Variants in NCKAP5 observed in about 807,000 individuals in gnomAD.
NCKAP5 encodes the protein nck-associated protein 5.
In NCKAP5, 92 loss-of-function variants were observed where a neutral mutation model predicts 167.0. The observed-to-expected ratio is 0.55, with a 90% CI of 0.47 to 0.66. NCKAP5 has a LOEUF of 0.66. Among genes scored for constraint, NCKAP5 ranks in the 30% least tolerant of loss-of-function variants. NCKAP5 has a pLI of 0.00. For synonymous variants in NCKAP5, 891 were observed against 877.4 expected (o/e 1.02, Z -0.27); for missense variants, 2,378 against 2,315.0 (o/e 1.03, Z -0.56).
intron 5 of NCKAP5, among the ~76,000 whole-genome samples, chr2:133,188,330 G>T (rs1204761443): frequency 6.6e-6 from 1 of 151,922 alleles, no homozygotes; most frequent in African/African-American, 2.4e-5. Flanking sequence ...ACACAATAAT[G>T]ATGGGAGACT....
chr2:133,118,523 C>G (rs2082153637), intron 6 of NCKAP5: 1 of 152,134 alleles, frequency 6.6e-6, no homozygotes, highest in African/African-American at 2.4e-5. Flanking sequence ...ATTTACTTCA[C>G]CATTTATTGT....
In NCKAP5 at chr2:133,295,321, G is replaced by A. The variant is rs563623828; in HGVS notation, c.143+7716C>T. On this transcript the variant is annotated intron_variant, in intron 4 of 19. Transcript: ENST00000409261. ...AGAGTAGATGCTCTAAGACAGATAG[G>A]ATTTGGAGTTTTATTTTTAAAGTAA... 5.5e-4 allele frequency among the ~76,000 whole-genome samples: 83 copies of A among 152,166 alleles called. 1 individual carries two copies. The South Asian group carries it at 0.017, about 31-fold the overall frequency.
chr2:133,597,689 A>AG, the NCKAP5 span, among the ~76,000 whole-genome samples: 1 of 150,108 alleles, frequency 6.7e-6, no homozygotes, highest in African/African-American at 2.4e-5. Flanking sequence ...AAAAAAAAAA[A>AG]AAAAAAAAAG....
chr2:133,437,599 A>G (rs1690573606), intron 3 of NCKAP5, among the ~76,000 whole-genome samples: 1 of 152,172 alleles, frequency 6.6e-6, no homozygotes, highest in East Asian at 1.9e-4. Flanking sequence ...GAAGTTCCAC[A>G]TAGTCATCAG....
At chr2:133,086,099 T>C (rs1180211223) in intron 6 of NCKAP5, among the ~76,000 whole-genome samples, 1 of 152,118 alleles carries the variant, frequency 6.6e-6, no homozygotes, top group Non-Finnish European at 1.5e-5. Context: ...TAACTCATGG[T>C]TTTCATGAGC....
At position 132,889,978 on chromosome 2, in the gene NCKAP5, G is replaced by A. The variant is rs566256766; in HGVS notation, c.580-11062C>T. 5.9e-5 allele frequency among the ~76,000 whole-genome samples: 9 copies of A among 152,226 alleles called. No individual in the cohort carries two copies. The South Asian group carries it at 1.0e-3, about 18-fold the overall frequency. On this transcript the variant is annotated intron_variant, in intron 8 of 19. Coordinates refer to ENST00000409261, the MANE Select transcript of NCKAP5 (RefSeq NM_207363.3). Reference sequence around the variant, plus strand: ...AAAAGAGAGAGAAAGAGAAGAAAACGACCAATTCACAGTAGTTAAAAAAGG... The same window carrying A: ...AAAAGAGAGAGAAAGAGAAGAAAACAACCAATTCACAGTAGTTAAAAAAGG...
At chr2:133,272,560 T>G (rs2150418937) in intron 4 of NCKAP5, among the ~76,000 whole-genome samples, 1 of 152,322 alleles carries the variant, frequency 6.6e-6, no homozygotes, top group South Asian at 2.1e-4. Flanking sequence ...AAAAATTTGC[T>G]GCTGCATAAA....
At chr2:132,805,056 AT>A (rs1184274044) in intron 11 of NCKAP5, among the ~76,000 whole-genome samples, 1 of 152,072 alleles carries the variant, frequency 6.6e-6, no homozygotes, top group Non-Finnish European at 1.5e-5. Flanking sequence ...TGCCTTGGTG[AT>A]TTTCCTTCCC....
Position 132,819,672 on chromosome 2 carries a change from T to C in NCKAP5, c.808-22943A>G, listed in dbSNP as rs563236598. 3.3e-5 allele frequency among the ~76,000 whole-genome samples: 5 copies of C among 152,228 alleles called. No homozygotes were observed. In the East Asian group the frequency reaches 7.7e-4, roughly 24 times the overall value. The stretch of plus-strand genomic sequence containing the variant: ...AAGAGGCTTTTTCATTAGATTTTTT[T>C]TTTTTTGGTTGAAGTCATTCACTTA... On this transcript the variant is annotated intron_variant, in intron 11 of 19. Transcript: ENST00000409261.
intron 3 of NCKAP5, among the ~76,000 whole-genome samples, chr2:133,390,112 A>G (rs1687290380): frequency 6.6e-6 from 1 of 152,218 alleles, no homozygotes; most frequent in Admixed American, 6.5e-5. Flanking sequence ...AAACAGGAAA[A>G]TAAATTACCC....
chr2:132,790,167 A>T lies in NCKAP5; in HGVS notation c.948T>A (p.Pro316=). The change falls in exon 13 of 20, where the codon CCT becomes CCA. Residue 316 remains proline (P), a synonymous_variant. Coordinates refer to ENST00000409261, the MANE Select transcript of NCKAP5 (RefSeq NM_207363.3). The stretch of plus-strand genomic sequence containing the variant: ...GACCAGGGATGACAGCCCCCAAGCC[A>T]GGGCATTTCAAGGCCGATTTTGTAT... The part of the protein sequence containing the change: ...QLNTKSALKC[P]GLGAVIPGHL... 3.7e-6 allele frequency: 6 copies of T among 1,613,566 alleles called. No homozygotes were observed. Among genetic ancestry groups the T allele is most frequent in the Non-Finnish European group, 5.1e-6 (6 of 1,179,772 alleles).
intron 5 of NCKAP5, among the ~76,000 whole-genome samples, chr2:133,175,136 C>T (rs945188758): frequency 6.6e-6 from 1 of 151,980 alleles, no homozygotes; most frequent in African/African-American, 2.4e-5. Context: ...TTTTCATATG[C>T]CCAGGGGTCA....
chr2:133,178,596 C>A (rs1295128209), intron 5 of NCKAP5, among the ~76,000 whole-genome samples: 1 of 144,750 alleles, frequency 6.9e-6, no homozygotes, highest in African/African-American at 2.6e-5. Flanking sequence ...GAGGCCGATG[C>A]GGGCGGATCA....
chr2:133,611,519 G>C, the NCKAP5 span, among the ~76,000 whole-genome samples: 1 of 152,192 alleles, frequency 6.6e-6, no homozygotes, highest in African/African-American at 2.4e-5. Flanking sequence ...CTATCAGTAA[G>C]AGACAAAGCA....
chr2:132,909,045 C>T (rs532910333), intron 8 of NCKAP5, among the ~76,000 whole-genome samples: 8 of 152,100 alleles, frequency 5.3e-5, no homozygotes, highest in East Asian at 1.9e-4. Flanking sequence ...TTTAAAAAAT[C>T]GATTAAAAAA....
intron 6 of NCKAP5, among the ~76,000 whole-genome samples, chr2:133,102,834 T>C (rs1012271982): frequency 6.8e-6 from 1 of 147,930 alleles, no homozygotes; most frequent in Non-Finnish European, 1.5e-5. Flanking sequence ...ACACTAACAA[T>C]AACAAGGCTC....
chr2:133,004,233 A>G (rs1047207973), intron 6 of NCKAP5, among the ~76,000 whole-genome samples: 1 of 152,212 alleles, frequency 6.6e-6, no homozygotes, highest in Admixed American at 6.5e-5. Context: ...CAGGATTGAC[A>G]CTATATCCAG....
chr2:133,096,873 C>A (rs16847731), intron 6 of NCKAP5, among the ~76,000 whole-genome samples: 1,701 of 152,234 alleles, frequency 0.011, 40 homozygotes, highest in African/African-American at 0.039. Flanking sequence ...GGAGGCTGAA[C>A]AGTACAATAA....
chr2:132,831,038 A>G (rs757166721), intron 11 of NCKAP5, among the ~76,000 whole-genome samples: 100 of 152,350 alleles, frequency 6.6e-4, no homozygotes, highest in Non-Finnish European at 1.2e-3. Flanking sequence ...AAAAACATAA[A>G]TAAATGGCAC....
Sources: allele counts gnomAD v4.1 joint callset (sites outside exome capture counted in the v4.1 genomes callset), GRCh38; gene constraint gnomAD v4.1.1; transcripts MANE v1.5; gene names NCBI Gene and HGNC (gene_info 2026-07-23, HGNC 2026-07-21).